Variants in TMEM163 observed in about 807,000 individuals in gnomAD.
The protein encoded by TMEM163 is transmembrane protein 163.
TMEM163 carries 17 observed loss-of-function variants against 29.3 expected under a neutral mutation model. The observed-to-expected ratio is 0.58, with a 90% CI of 0.40 to 0.87. The LOEUF (loss-of-function observed/expected upper bound fraction) is 0.87. TMEM163 is among the 40% of genes least tolerant of loss of function. TMEM163 has a pLI of 0.00. For synonymous variants in TMEM163, 157 were observed against 160.6 expected (o/e 0.98, Z 0.17); for missense variants, 303 against 381.5 (o/e 0.79, Z 1.71).
Position 134,456,596 on chromosome 2 carries a change from A to T in TMEM163, c.*120T>A. On this transcript the variant is annotated 3_prime_UTR_variant, in exon 8 of 8. Coordinates refer to ENST00000281924, the MANE Select transcript of TMEM163 (RefSeq NM_030923.5). ...CTGGCTGGGCAGACCTTGTCTTGTA[A>T]TGACAAACCATGTGAAAGAAAACTT... 2 of 1,242,492 alleles carry T rather than the reference A, an allele frequency of 1.6e-6. No homozygotes were observed. The highest frequency in any genetic ancestry group is 2.6e-5 in the South Asian group (2 of 76,838). 77.0% of individuals were successfully genotyped at this position (1,242,492 alleles called of 1,614,324 possible). A position where few individuals can be genotyped will look rare whatever the true frequency, so the allele number is the denominator to read the frequency against.
chr2:134,595,860 T>C (rs1456065732), intron 2 of TMEM163, among the ~76,000 whole-genome samples: 2 of 152,248 alleles, frequency 1.3e-5, no homozygotes, highest in Admixed American at 6.5e-5. Flanking sequence ...ATTTCTCTGA[T>C]GGCCAGTGAT....
At chr2:134,508,938 G>A (rs1351330990) in intron 4 of TMEM163, among the ~76,000 whole-genome samples, 3 of 152,144 alleles carry the variant, frequency 2.0e-5, no homozygotes, top group Non-Finnish European at 1.5e-5. Flanking sequence ...ACTTCCTCAA[G>A]TTGCAACCAT....
chr2:134,620,527 G>A (rs1682708074), intron 2 of TMEM163, among the ~76,000 whole-genome samples: 1 of 152,114 alleles, frequency 6.6e-6, no homozygotes, highest in African/African-American at 2.4e-5. Context: ...AAAGTGCTGG[G>A]ATTACAGGGG....
At chr2:134,631,157 T>C (rs1257358191) in intron 2 of TMEM163, among the ~76,000 whole-genome samples, 1 of 152,162 alleles carries the variant, frequency 6.6e-6, no homozygotes, top group Admixed American at 6.5e-5. Flanking sequence ...CAAATGAGGT[T>C]TACAGATCTT....
intron 4 of TMEM163, among the ~76,000 whole-genome samples, chr2:134,524,286 A>G (rs79491441): frequency 0.014 from 2,057 of 152,126 alleles, 51 homozygotes; most frequent in African/African-American, 0.045. Context: ...ATAGAGGTGT[A>G]ATTGGTCTGG....
At chr2:134,525,808 T>C (rs915709821) in intron 4 of TMEM163, among the ~76,000 whole-genome samples, 2 of 152,196 alleles carry the variant, frequency 1.3e-5, no homozygotes, top group Non-Finnish European at 2.9e-5. Context: ...CCTGAGGGCA[T>C]CTCTCCTGCA....
At chr2:134,704,493 G>A (rs1038086368) in intron 2 of TMEM163, among the ~76,000 whole-genome samples, 4 of 152,128 alleles carry the variant, frequency 2.6e-5, no homozygotes, top group Admixed American at 1.3e-4. Context: ...AAGCCTCTAA[G>A]GCAACAACAC....
intron 4 of TMEM163, among the ~76,000 whole-genome samples, chr2:134,524,633 T>C (rs1191193677): frequency 1.3e-5 from 2 of 150,262 alleles, no homozygotes; most frequent in Non-Finnish European, 1.5e-5. Context: ...TCGGCTTTGT[T>C]CCTATGTCAG....
chr2:134,527,263 A>G lies in TMEM163; in HGVS notation c.458+23307T>C, dbSNP rs373208880. The stretch of plus-strand genomic sequence containing the variant: ...TGTACATGCTTACATACGTGTATGC[A>G]TCTATACATACATGCATATGTGTTT... On this transcript the variant is annotated intron_variant, in intron 4 of 7. Coordinates refer to ENST00000281924, the MANE Select transcript of TMEM163 (RefSeq NM_030923.5). Among the ~76,000 whole-genome samples, 36 of 152,234 alleles carry G rather than the reference A, an allele frequency of 2.4e-4. No homozygotes were observed. In the South Asian group the frequency reaches 7.3e-3, roughly 31 times the overall value.
At chr2:134,673,865 T>C (rs1472708744) in intron 2 of TMEM163, among the ~76,000 whole-genome samples, 1 of 152,216 alleles carries the variant, frequency 6.6e-6, no homozygotes, top group African/African-American at 2.4e-5. Context: ...AACTGTCAGA[T>C]AATAACTTTG....
At chr2:134,563,853 G>A (rs1574240892) in intron 2 of TMEM163, among the ~76,000 whole-genome samples, 1 of 152,136 alleles carries the variant, frequency 6.6e-6, no homozygotes, top group Non-Finnish European at 1.5e-5. Context: ...TCAGGAGTTC[G>A]AGACCAACCT....
intron 2 of TMEM163, among the ~76,000 whole-genome samples, chr2:134,648,519 G>T (rs552839185): frequency 2.6e-5 from 4 of 152,064 alleles, no homozygotes; most frequent in Non-Finnish European, 4.4e-5. Context: ...ACCCTCTTCT[G>T]CCCAGAATTT....
chr2:134,625,655 T>A (rs1682833069), intron 2 of TMEM163, among the ~76,000 whole-genome samples: 1 of 152,254 alleles, frequency 6.6e-6, no homozygotes, highest in African/African-American at 2.4e-5. Flanking sequence ...AGGTCCTGAC[T>A]GGCTGAAAAT....
chr2:134,663,771 C>T (rs1278290118), intron 2 of TMEM163, among the ~76,000 whole-genome samples: 1 of 152,240 alleles, frequency 6.6e-6, no homozygotes, highest in Non-Finnish European at 1.5e-5. Context: ...GGCAGCACGC[C>T]GGCTGCCCAG....
intron 2 of TMEM163, among the ~76,000 whole-genome samples, chr2:134,677,143 C>T (rs954391421): frequency 2.0e-5 from 3 of 152,182 alleles, no homozygotes; most frequent in Admixed American, 1.3e-4. Context: ...CTGCTCTTCT[C>T]GCTTCCTTCC....
At chr2:134,599,641 C>T (rs181706553) in intron 2 of TMEM163, among the ~76,000 whole-genome samples, 19 of 151,766 alleles carry the variant, frequency 1.3e-4, no homozygotes, top group Admixed American at 5.9e-4. Context: ...GAGCAAGACC[C>T]GAGACACAAA....
Position 134,718,812 on chromosome 2 carries a change from C to T in TMEM163, c.124G>A (p.Glu42Lys). The change falls in exon 1 of 8, where the codon GAG (glutamate) becomes AAG (lysine). Residue 42 changes from glutamate to lysine, a missense_variant. Glu to Lys is a moderately conservative substitution (Grantham distance 56, BLOSUM62 1). Transcript: ENST00000281924. Reference sequence around the variant, plus strand: ...CGCTCCTCCTCCAGCTGGGGCGGCTCGCGCACCGGGGAGCTCAGCGGGGCC... The same window carrying T: ...CGCTCCTCCTCCAGCTGGGGCGGCTTGCGCACCGGGGAGCTCAGCGGGGCC... ...GPAPLSSPVR[E>K]PPQLEEERQV... 4 of 1,139,324 alleles carry T rather than the reference C, an allele frequency of 3.5e-6. No homozygotes were observed. Among genetic ancestry groups the T allele is most frequent in the East Asian group, 4.5e-5 (1 of 22,350 alleles). The allele number at this position is 1,139,324 out of a possible 1,614,324, so 70.6% of individuals were successfully genotyped here.
chr2:134,714,545 T>A (rs1353405264), intron 1 of TMEM163, among the ~76,000 whole-genome samples: 1 of 152,170 alleles, frequency 6.6e-6, no homozygotes, highest in African/African-American at 2.4e-5. Flanking sequence ...AACTTCTCAG[T>A]TCCATTTATA....
chr2:134,565,913 A>C (rs1373749192), intron 2 of TMEM163, among the ~76,000 whole-genome samples: 2 of 152,232 alleles, frequency 1.3e-5, no homozygotes, highest in African/African-American at 4.8e-5. Context: ...ACAGTGGTAG[A>C]ATTCAGGCTG....
Sources: gnomAD v4.1 joint callset for allele counts (sites outside exome capture counted in the v4.1 genomes callset) on GRCh38, gnomAD v4.1.1 for gene constraint, MANE v1.5 for transcripts, NCBI Gene and HGNC (gene_info 2026-07-23, HGNC 2026-07-21) for gene names.